Variants in NAALADL2 observed in about 807,000 individuals in gnomAD.
NAALADL2 encodes the protein N-acetylated alpha-linked acidic dipeptidase like 2.
NAALADL2 carries 76 observed loss-of-function variants against 87.2 expected under a neutral mutation model. The ratio of observed to expected loss-of-function variants is 0.87; its 90% CI spans 0.72 to 1.05. The LOEUF is 1.05. Among genes scored for constraint, NAALADL2 ranks in the 50% least tolerant of loss-of-function variants. NAALADL2 has a pLI of 0.00. For synonymous variants in NAALADL2, 354 were observed against 331.0 expected, an observed-to-expected ratio of 1.07 and a Z score of -0.75; for missense variants, 1,089 against 945.8, an observed-to-expected ratio of 1.15 and a Z score of -1.99.
chr3:175,264,151 C>A (rs2109933121), intron 4 of NAALADL2, among the ~76,000 whole-genome samples: 1 of 151,914 alleles, frequency 6.6e-6, no homozygotes, highest in East Asian at 1.9e-4. Flanking sequence ...GAAACAAGCT[C>A]AATTTCAAGC....
chr3:175,256,367 T>C (rs1010213322), intron 3 of NAALADL2, 44 bp from the exon 4 acceptor site: 10 of 1,559,960 alleles, frequency 6.4e-6, no homozygotes, highest in Non-Finnish European at 8.7e-6. Flanking sequence ...GCTATACTTC[T>C]TCCTCTGAGG....
In NAALADL2 at chr3:175,301,447, T is replaced by G. The variant is rs74618631; in HGVS notation, c.940-22728T>G. 2.3e-3 allele frequency among the ~76,000 whole-genome samples: 344 copies of G among 152,314 alleles called. 3 individuals carry two copies. The highest frequency in any genetic ancestry group is 7.7e-3 in the African/African-American group (321 of 41,588). ...AATAAATAAATAAATACATAAATAC[T>G]GCAAAAACGCATGTAGCTGTCTTTT... On this transcript the variant is annotated intron_variant, in intron 4 of 13. Coordinates refer to ENST00000454872, the MANE Select transcript of NAALADL2 (RefSeq NM_207015.3).
intron 3 of NAALADL2, among the ~76,000 whole-genome samples, chr3:174,777,319 G>T (rs2109131454): frequency 6.6e-6 from 1 of 152,174 alleles, no homozygotes; most frequent in South Asian, 2.1e-4. Context: ...TTCTTCCTCT[G>T]TTCTAACACA....
intron 1 of NAALADL2, among the ~76,000 whole-genome samples, chr3:174,932,065 T>G (rs890020405): frequency 3.9e-5 from 6 of 152,174 alleles, no homozygotes; most frequent in Admixed American, 1.3e-4. Flanking sequence ...AATGTCAAGT[T>G]TCAAGATTTA....
chr3:174,452,792 A>G (rs73881163), intron 1 of NAALADL2, among the ~76,000 whole-genome samples: 77 of 152,216 alleles, frequency 5.1e-4, no homozygotes, highest in African/African-American at 1.8e-3. Context: ...AAGGACAGCA[A>G]CTTTAAAAAT....
chr3:174,525,876 CA>C (rs1481793457), intron 1 of NAALADL2, among the ~76,000 whole-genome samples: 1 of 152,134 alleles, frequency 6.6e-6, no homozygotes, highest in African/African-American at 2.4e-5. Flanking sequence ...TCTGGTCCCC[CA>C]TGAGCATTTC....
intron 2 of NAALADL2, among the ~76,000 whole-genome samples, chr3:174,666,761 T>C (rs1337104404): frequency 6.6e-6 from 1 of 152,194 alleles, no homozygotes; most frequent in East Asian, 1.9e-4. Flanking sequence ...TATATTCACA[T>C]TGTTGTTCAA....
intron 4 of NAALADL2, among the ~76,000 whole-genome samples, chr3:175,258,966 CACGCCTGT>C: frequency 6.6e-6 from 1 of 152,214 alleles, no homozygotes. Context: ...GGTCTGCCTT[CACGCCTGT>C]ACTGAAATTG....
chr3:174,981,650 T>C (rs1472773383), intron 1 of NAALADL2, among the ~76,000 whole-genome samples: 1 of 152,078 alleles, frequency 6.6e-6, no homozygotes, highest in African/African-American at 2.4e-5. Flanking sequence ...AAGCTGAGAG[T>C]CTGCGTCGCT....
intron 9 of NAALADL2, among the ~76,000 whole-genome samples, chr3:175,538,967 T>C (rs1466951479): frequency 1.3e-5 from 2 of 152,212 alleles, no homozygotes; most frequent in African/African-American, 4.8e-5. Flanking sequence ...GGTTCATATT[T>C]TTCTACAAAA....
intron 11 of NAALADL2, among the ~76,000 whole-genome samples, chr3:175,731,875 C>T (rs760973383): frequency 5.3e-5 from 8 of 152,080 alleles, no homozygotes; most frequent in Non-Finnish European, 1.2e-4. Context: ...TGTGTGGTAT[C>T]CAGATTCTAA....
chr3:174,881,407 T>C (rs1197714767), intron 1 of NAALADL2, among the ~76,000 whole-genome samples: 2 of 152,076 alleles, frequency 1.3e-5, no homozygotes, highest in Admixed American at 6.6e-5. Flanking sequence ...ATAGCCTCAA[T>C]AGGGCTTGGG....
intron 1 of NAALADL2, among the ~76,000 whole-genome samples, chr3:174,550,275 A>G (rs1711962676): frequency 6.6e-6 from 1 of 152,066 alleles, no homozygotes; most frequent in Non-Finnish European, 1.5e-5. Flanking sequence ...ATATATGAGA[A>G]AAGTTAGAGG....
intron 2 of NAALADL2, among the ~76,000 whole-genome samples, chr3:174,655,989 A>T (rs1377598507): frequency 6.6e-6 from 1 of 152,192 alleles, no homozygotes; most frequent in Non-Finnish European, 1.5e-5. Context: ...ACTTCAAGTG[A>T]GTTATGTGTA....
chr3:174,934,151 A>G (rs1474797489), intron 1 of NAALADL2, among the ~76,000 whole-genome samples: 3 of 151,666 alleles, frequency 2.0e-5, no homozygotes, highest in Admixed American at 2.0e-4. Flanking sequence ...TAGTTCTTCT[A>G]CTACTACTAC....
At chr3:174,669,527 T>C (rs189676366) in intron 2 of NAALADL2, among the ~76,000 whole-genome samples, 85 of 152,250 alleles carry the variant, frequency 5.6e-4, no homozygotes, top group Non-Finnish European at 5.0e-4. Flanking sequence ...GTCTTGGTAC[T>C]CTTGTCAAAG....
intron 3 of NAALADL2, among the ~76,000 whole-genome samples, chr3:175,236,548 CAAAAA>C (rs34787558): frequency 1.9e-3 from 186 of 98,946 alleles, no homozygotes; most frequent in African/African-American, 7.9e-3. Flanking sequence ...AACTCCTTCT[CAAAAA>C]AAAAAAAAAA....
chr3:174,765,833 T>C (rs1713739214), intron 3 of NAALADL2, among the ~76,000 whole-genome samples: 1 of 152,186 alleles, frequency 6.6e-6, no homozygotes, highest in African/African-American at 2.4e-5. Context: ...AAAATGAATG[T>C]GATATCCTCA....
At chr3:175,398,481 A>C (rs1475211026) in intron 5 of NAALADL2, among the ~76,000 whole-genome samples, 2 of 151,398 alleles carry the variant, frequency 1.3e-5, no homozygotes, top group East Asian at 3.9e-4. Flanking sequence ...TATTGTTTTC[A>C]AACTCTGTTA....
Sources: allele counts gnomAD v4.1 joint callset (sites outside exome capture counted in the v4.1 genomes callset), GRCh38; gene constraint gnomAD v4.1.1; transcripts MANE v1.5; gene names NCBI Gene and HGNC (gene_info 2026-07-23, HGNC 2026-07-21).